Variants in PCGF2 observed in about 807,000 individuals in gnomAD.
The protein encoded by PCGF2 is polycomb group RING finger protein 2.
In PCGF2, 8 loss-of-function variants were observed where a neutral mutation model predicts 36.1. The observed-to-expected ratio is 0.22, with a 90% CI of 0.13 to 0.40. The LOEUF (loss-of-function observed/expected upper bound fraction) is 0.40, where lower values mean the gene tolerates loss of function less well. PCGF2 is among the 10% of genes least tolerant of loss of function. PCGF2 has a pLI of 1.00. For synonymous variants in PCGF2, 198 were observed against 191.2 expected (o/e 1.04, Z -0.29); for missense variants, 436 against 475.9 (o/e 0.92, Z 0.78).
chr17:38,739,303 C>A lies in PCGF2; in HGVS notation c.210-50G>T. ...TCAGCAATGCCTTCTCCAGAGCGCT[C>A]CGACCTCGCCCTGCTCTCCCAGCCA... On this transcript the variant is annotated intron_variant, in intron 4 of 10. Coordinates refer to ENST00000620225, the MANE Select transcript of PCGF2 (RefSeq NM_007144.3). The surrounding 1 kb of genome is among the most constrained non-coding windows in gnomAD (Gnocchi z 4.0). 6.6e-7 allele frequency: 1 copy of A among 1,524,118 alleles called. No individual in the cohort carries two copies. Among genetic ancestry groups the A allele is most frequent in the East Asian group, 2.2e-5 (1 of 44,450 alleles). The allele number at this position is 1,524,118 out of a possible 1,614,324, so 94.4% of individuals were successfully genotyped here.
Position 38,739,312 on chromosome 17 carries a change from C to T in PCGF2, c.210-59G>A. 6.8e-7 allele frequency: 1 copy of T among 1,470,852 alleles called. No homozygotes were observed. The highest frequency in any genetic ancestry group is 2.3e-5 in the East Asian group (1 of 44,230). 91.1% of individuals were successfully genotyped at this position (1,470,852 alleles called of 1,614,324 possible). On this transcript the variant is annotated intron_variant, in intron 4 of 10. Transcript: ENST00000620225. The surrounding 1 kb of genome is among the most constrained non-coding windows in gnomAD (Gnocchi z 4.0). ...CCTTCTCCAGAGCGCTCCGACCTCG[C>T]CCTGCTCTCCCAGCCAGGGTACCCC... is the stretch of plus-strand genomic sequence containing the variant.
In PCGF2 at chr17:38,739,530, A is replaced by T; in HGVS notation, c.209+56T>A. On this transcript the variant is annotated intron_variant, in intron 4 of 10. Transcript: ENST00000620225. This position sits in a 1 kb window ranked among gnomAD's most constrained non-coding sequence, Gnocchi z 4.0. The stretch of plus-strand genomic sequence containing the variant: ...GAAGGAAGCACGGAGCGTGGGAGGG[A>T]TGGGGGAGGCTGACCCAGAGGATCG... The T allele has an allele frequency of 7.5e-7, 1 of 1,339,388 alleles. No homozygotes were observed. Among genetic ancestry groups the T allele is most frequent in the Non-Finnish European group, 1.1e-6 (1 of 929,564 alleles). The allele number at this position is 1,339,388 out of a possible 1,614,324, so 83.0% of individuals were successfully genotyped here. A position where few individuals can be genotyped will look rare whatever the true frequency, so the allele number is the denominator to read the frequency against.
In PCGF2 at chr17:38,738,559, C is replaced by G. The variant is rs1196331158; in HGVS notation, c.462G>C (p.Gly154=). Residue 154 remains glycine (G), a synonymous_variant, in exon 8 of 11, where the codon GGG becomes GGC. Transcript: ENST00000620225. ...RDEKKGPLEN[G]DGDKEKTGVR... is the part of the protein sequence containing the mutation. ...CACTCACTTTCTCTTTGTCCCCATC[C>G]CCATTCTCCAGGGGGCCCTTCTTCT... The G allele has an allele frequency of 6.3e-7, 1 of 1,593,674 alleles. No individual in the cohort carries two copies. Among genetic ancestry groups the G allele is most frequent in the Non-Finnish European group, 8.6e-7 (1 of 1,168,418 alleles).
intron 2 of PCGF2, among the ~76,000 whole-genome samples, chr17:38,747,226 C>T (rs1053907561): frequency 2.0e-5 from 3 of 152,066 alleles, no homozygotes; most frequent in Admixed American, 6.5e-5. Flanking sequence ...CCCGGGCCCA[C>T]CGTGGAGACA....
chr17:38,735,589 G>A lies in PCGF2; in HGVS notation c.669C>T (p.Leu223=). The A allele has an allele frequency of 1.9e-6, 3 of 1,571,738 alleles. No homozygotes were observed. The highest frequency in any genetic ancestry group is 1.8e-5 in the Admixed American group (1 of 56,082). ...CTGGCTGGACACGGTACTTGAGGGG[G>A]AGAGGCCCGTTCTGCGGGGAGAGTG... ...YIYPWRRNGP[L]PLKYRVQPAC... The change falls in exon 11 of 11, where the codon CTC becomes CTT. Residue 223 remains leucine (L), a synonymous_variant. Transcript: ENST00000620225.
Position 38,740,408 on chromosome 17 carries a change from CGGGGTCG to C in PCGF2, c.-13_-7del. 7.7e-7 allele frequency: 1 copy of C among 1,301,680 alleles called. No individual in the cohort carries two copies. The highest frequency in any genetic ancestry group is 1.0e-6 in the Non-Finnish European group (1 of 979,146). The allele number at this position is 1,301,680 out of a possible 1,614,324, so 80.6% of individuals were successfully genotyped here. ...ATCCGTGTAGTCCGATGCATGATTC[CGGGGTCG>C]GGGGTGGGGGGACTGGGGAGCGTTG... On this transcript the variant is annotated 5_prime_UTR_variant, in exon 3 of 11. Transcript: ENST00000620225.
At chr17:38,737,213 A>G (rs1357582878) in intron 9 of PCGF2, among the ~76,000 whole-genome samples, 3 of 152,212 alleles carry the variant, frequency 2.0e-5, no homozygotes, top group African/African-American at 7.2e-5. Flanking sequence ...CTGTAATCCC[A>G]GAGCTTTGGG....
At position 38,738,839 on chromosome 17, in the gene PCGF2, G is replaced by T. The variant is rs1370117279; in HGVS notation, c.339C>A (p.Asp113Glu). The T allele has an allele frequency of 6.2e-7, 1 of 1,613,868 alleles. No homozygotes were observed. Residue 113 changes from aspartate to glutamate, a missense_variant, in exon 7 of 11, where the codon GAC becomes GAA. Around this residue, in one of 3 missense-constraint regions of PCGF2, gnomAD observed 189 missense variants for 219.3 expected, o/e 0.86. Transcript: ENST00000620225. The part of the protein sequence containing the change: ...LTEVPNGSNE[D>E]RGEVLEQEKG... ...TCTCCTGCTCCAAGACCTCGCCGCGGTCCTCATTGGAGCCGTTGGGGACTG... is the reference window on the plus strand; with the variant it reads ...TCTCCTGCTCCAAGACCTCGCCGCGTTCCTCATTGGAGCCGTTGGGGACTG...
intron 2 of PCGF2, among the ~76,000 whole-genome samples, chr17:38,742,858 C>G (rs1160484389): frequency 6.6e-6 from 1 of 152,170 alleles, no homozygotes; most frequent in African/African-American, 2.4e-5. Context: ...ATATGTGTGT[C>G]CAGATGCATC....
upstream of PCGF2, among the ~76,000 whole-genome samples, chr17:38,749,092 G>A (rs921506868): frequency 6.6e-6 from 1 of 152,218 alleles, no homozygotes; most frequent in African/African-American, 2.4e-5. The surrounding 1 kb of genome is among the most constrained non-coding windows in gnomAD (Gnocchi z 6.5). Flanking sequence ...GGGCAGAGAA[G>A]AACGGAGGCC....
Position 38,739,333 on chromosome 17 carries a change from A to T in PCGF2, c.210-80T>A. ...CTCGCCCTGCTCTCCCAGCCAGGGT[A>T]CCCCTCTTCCCACCCCCTTCCTGAG... On this transcript the variant is annotated intron_variant, in intron 4 of 10. Coordinates refer to ENST00000620225, the MANE Select transcript of PCGF2 (RefSeq NM_007144.3). This position sits in a 1 kb window ranked among gnomAD's most constrained non-coding sequence, Gnocchi z 4.0. 2 of 1,308,582 alleles carry T rather than the reference A, an allele frequency of 1.5e-6. No individual in the cohort carries two copies. Among genetic ancestry groups the T allele is most frequent in the South Asian group, 2.4e-5 (2 of 84,244 alleles). 81.1% of individuals were successfully genotyped at this position (1,308,582 alleles called of 1,614,324 possible).
Position 38,738,952 on chromosome 17 carries a change from C to T in PCGF2, c.317-91G>A, listed in dbSNP as rs372347370. The T allele has an allele frequency of 2.7e-5, 42 of 1,534,116 alleles. No homozygotes were observed. The East Asian group carries it at 8.8e-4, about 32-fold the overall frequency. ...GATCATGAACTCAGCCAGGTGAGCCCAGCCACCTTCTGGAGAGGTGTGCGC... is the reference window on the plus strand; with the variant it reads ...GATCATGAACTCAGCCAGGTGAGCCTAGCCACCTTCTGGAGAGGTGTGCGC... On this transcript the variant is annotated intron_variant, in intron 6 of 10. Transcript: ENST00000620225.
chr17:38,735,456 T>TGGCAGGGC lies in PCGF2; in HGVS notation c.794_801dup (p.Thr268AlafsTer54). 6.3e-7 allele frequency: 1 copy of TGGCAGGGC among 1,586,274 alleles called. No individual in the cohort carries two copies. The highest frequency in any genetic ancestry group is 8.6e-7 in the Non-Finnish European group (1 of 1,166,472). ...AGGGAGGAGGAGGTGGCTGGCAGGG[T>TGGCAGGGC]GGCAGGGCTGGGAGCCTTGTCGCTG... On this transcript the variant is annotated frameshift_variant, in exon 11 of 11. Coordinates refer to ENST00000620225, the MANE Select transcript of PCGF2 (RefSeq NM_007144.3). LOFTEE classifies it high-confidence loss of function.
upstream of PCGF2, chr17:38,748,485 T>A (rs1200674555): frequency 6.7e-6 from 1 of 149,500 alleles, no homozygotes; most frequent in Non-Finnish European, 1.5e-5. Flanking sequence ...TCCTTCAGGA[T>A]GCTGGCAGAG....
Position 38,739,558 on chromosome 17 carries a change from G to A in PCGF2, c.209+28C>T, listed in dbSNP as rs770991077. On this transcript the variant is annotated intron_variant, in intron 4 of 10. Transcript: ENST00000620225. This position sits in a 1 kb window ranked among gnomAD's most constrained non-coding sequence, Gnocchi z 4.0. ...GGGGAGGCTGACCCAGAGGATCGCG[G>A]GGACAGGAGGTGCCGTGCCAAGCCC... 9 of 1,544,794 alleles carry A rather than the reference G, an allele frequency of 5.8e-6. No homozygotes were observed. Among genetic ancestry groups the A allele is most frequent in the Non-Finnish European group, 8.1e-6 (9 of 1,116,942 alleles).
chr17:38,743,995 C>T (rs1333922897), intron 2 of PCGF2, among the ~76,000 whole-genome samples: 3 of 152,120 alleles, frequency 2.0e-5, no homozygotes, highest in Admixed American at 1.3e-4. Flanking sequence ...GGAGGCCAAG[C>T]ACCATTGGAA....
chr17:38,743,801 C>T (rs1049009227), intron 2 of PCGF2, among the ~76,000 whole-genome samples: 1 of 152,148 alleles, frequency 6.6e-6, no homozygotes, highest in East Asian at 1.9e-4. Context: ...AGGCCCCAGG[C>T]CGCGAATTCC....
chr17:38,744,607 C>T (rs938168121), intron 2 of PCGF2, among the ~76,000 whole-genome samples: 2 of 152,188 alleles, frequency 1.3e-5, no homozygotes, highest in African/African-American at 2.4e-5. Flanking sequence ...CTGCCCGCCT[C>T]GGCCTCCCAA....
Position 38,734,748 on chromosome 17 carries a change from AC to A in PCGF2, c.*474del, listed in dbSNP as rs1321422943. On this transcript the variant is annotated 3_prime_UTR_variant, in exon 11 of 11. Coordinates refer to ENST00000620225, the MANE Select transcript of PCGF2 (RefSeq NM_007144.3). ...GACAGCAGCCAAGATGGGGAGAGAA[AC>A]GGGGAGAGAAAGAAACGATTCTAAC... is the stretch of plus-strand genomic sequence containing the variant. The A allele has an allele frequency of 1.3e-5, 2 of 153,054 alleles. No individual in the cohort carries two copies. Among genetic ancestry groups the A allele is most frequent in the African/African-American group, 4.8e-5 (2 of 41,422 alleles). The allele number at this position is 153,054 out of a possible 1,614,324, so 9.5% of individuals were successfully genotyped here.
Sources: allele counts gnomAD v4.1 joint callset (sites outside exome capture counted in the v4.1 genomes callset), GRCh38; gene constraint gnomAD v4.1.1; regional missense constraint gnomAD v4.1.1; non-coding constraint Gnocchi (gnomAD v3.1); transcripts MANE v1.5; gene names NCBI Gene and HGNC (gene_info 2026-07-23, HGNC 2026-07-21).